TPD52L1: variants seen among roughly 807,000 people sequenced by gnomAD.
TPD52L1 encodes the protein TPD52 like 1, also known as tumor protein D53.
Under a neutral mutation model 28.7 loss-of-function variants are expected in TPD52L1, and 18 were observed. The ratio of observed to expected loss-of-function variants is 0.63; its 90% CI spans 0.43 to 0.93. The LOEUF (loss-of-function observed/expected upper bound fraction) is 0.93. Among genes scored for constraint, TPD52L1 ranks in the 40% least tolerant of loss-of-function variants. TPD52L1 has a pLI of 0.00. For synonymous variants in TPD52L1, 75 were observed against 88.8 expected (o/e 0.84, Z 0.88); for missense variants, 203 against 254.8 (o/e 0.80, Z 1.39).
At chr6:125,240,464 T>C (rs1008607644) in intron 3 of TPD52L1, among the ~76,000 whole-genome samples, 1 of 151,836 alleles carries the variant, frequency 6.6e-6, no homozygotes, top group African/African-American at 2.4e-5. Context: ...TGAGCATGAG[T>C]TTTCATTTGT....
At chr6:125,208,819 G>A in intron 1 of TPD52L1, 1 of 692,858 alleles carries the variant, frequency 1.4e-6, no homozygotes, top group Non-Finnish European at 1.8e-6. Flanking sequence ...GGTGCTGAGA[G>A]AGTGCTGTGT....
intron 3 of TPD52L1, among the ~76,000 whole-genome samples, chr6:125,240,690 T>C (rs1341500932): frequency 6.6e-6 from 1 of 152,188 alleles, no homozygotes; most frequent in African/African-American, 2.4e-5. Flanking sequence ...CCTGAAACTT[T>C]ACTGAATTCA....
chr6:125,222,577 C>G (rs996961592), intron 2 of TPD52L1, among the ~76,000 whole-genome samples: 3 of 152,180 alleles, frequency 2.0e-5, no homozygotes, highest in Non-Finnish European at 4.4e-5. Flanking sequence ...TCCCTACTTT[C>G]CTCGTCTCTT....
intron 1 of TPD52L1, among the ~76,000 whole-genome samples, chr6:125,210,009 C>T (rs1246337180): frequency 6.6e-6 from 1 of 152,026 alleles, no homozygotes; most frequent in East Asian, 1.9e-4. Flanking sequence ...TATTATTAGT[C>T]TCTGTTTAAC....
At chr6:125,233,768 GA>G (rs1278867669) in intron 3 of TPD52L1, among the ~76,000 whole-genome samples, 1 of 152,118 alleles carries the variant, frequency 6.6e-6, no homozygotes, top group Non-Finnish European at 1.5e-5. Context: ...GTTGTATGTA[GA>G]AAAATGCTTT....
intron 1 of TPD52L1, among the ~76,000 whole-genome samples, chr6:125,208,176 C>T (rs1399518273): frequency 2.0e-5 from 3 of 152,176 alleles, no homozygotes; most frequent in African/African-American, 7.2e-5. Context: ...GATTATTATA[C>T]TGCTTGGTTG....
At chr6:125,172,535 T>C (rs577385061) in intron 1 of TPD52L1, among the ~76,000 whole-genome samples, 3 of 98,150 alleles carry the variant, frequency 3.1e-5, no homozygotes, top group African/African-American at 4.5e-5. Flanking sequence ...TATATATATA[T>C]ATATATATAT....
At chr6:125,158,664 T>G (rs980132500) in intron 1 of TPD52L1, among the ~76,000 whole-genome samples, 3 of 152,128 alleles carry the variant, frequency 2.0e-5, no homozygotes, top group African/African-American at 7.2e-5. Context: ...GAAGATAAAT[T>G]CTTACTTTAT....
chr6:125,203,924 ATT>A, intron 1 of TPD52L1: 2 of 439,064 alleles, frequency 4.6e-6, no homozygotes, highest in Non-Finnish European at 6.0e-6. Flanking sequence ...TTACTGATAT[ATT>A]CTAAACAACA....
At position 125,166,469 on chromosome 6, in the gene TPD52L1, C is replaced by A. The variant is rs528658720; in HGVS notation, c.19+12499C>A. On this transcript the variant is annotated intron_variant, in intron 1 of 6. Transcript: ENST00000534000. ...GGTTCCAACAGGAAGTTACAAGATA[C>A]CTGCACTACCTGTAAAGTTTATTTA... 1.9e-3 allele frequency among the ~76,000 whole-genome samples: 283 copies of A among 152,200 alleles called. 1 individual carries two copies. Among genetic ancestry groups the A allele is most frequent in the African/African-American group, 6.4e-3 (267 of 41,520 alleles).
intron 1 of TPD52L1, among the ~76,000 whole-genome samples, chr6:125,176,210 T>C (rs1791813651): frequency 6.6e-6 from 1 of 152,380 alleles, no homozygotes; most frequent in South Asian, 2.1e-4. Context: ...TCTTTTATAA[T>C]GCACATGTGG....
At chr6:125,184,499 C>G (rs1176934207) in intron 1 of TPD52L1, among the ~76,000 whole-genome samples, 2 of 152,198 alleles carry the variant, frequency 1.3e-5, no homozygotes, top group Admixed American at 6.5e-5. Context: ...TCCAAAGAGG[C>G]CAGCTTCCAG....
chr6:125,176,995 G>T (rs1172019255), intron 1 of TPD52L1, among the ~76,000 whole-genome samples: 1 of 152,156 alleles, frequency 6.6e-6, no homozygotes, highest in African/African-American at 2.4e-5. Context: ...CTGTGATTGT[G>T]CTGCTGCACT....
intron 1 of TPD52L1, among the ~76,000 whole-genome samples, chr6:125,164,609 C>T (rs1790755524): frequency 6.6e-6 from 1 of 151,938 alleles, no homozygotes; most frequent in Non-Finnish European, 1.5e-5. Flanking sequence ...TCAATGAGTA[C>T]CCCAAAAAAG....
intron 1 of TPD52L1, among the ~76,000 whole-genome samples, chr6:125,195,437 C>T (rs892478479): frequency 3.9e-5 from 6 of 152,084 alleles, no homozygotes; most frequent in Non-Finnish European, 7.4e-5. Context: ...CATTGTGGAC[C>T]GCTAAGTCCT....
intron 1 of TPD52L1, chr6:125,219,747 C>T: frequency 2.8e-6 from 1 of 359,730 alleles, no homozygotes; most frequent in Non-Finnish European, 5.4e-6. Flanking sequence ...GGGCCTTGGG[C>T]TTTGTCCTCT....
intron 1 of TPD52L1, among the ~76,000 whole-genome samples, chr6:125,171,029 TG>T (rs1435585985): frequency 6.6e-6 from 1 of 152,152 alleles, no homozygotes; most frequent in Non-Finnish European, 1.5e-5. Context: ...TGGCTGATTT[TG>T]GGGGTGGCAA....
chr6:125,204,665 G>C (rs924204173), intron 1 of TPD52L1, among the ~76,000 whole-genome samples: 10 of 152,038 alleles, frequency 6.6e-5, no homozygotes, highest in Middle Eastern at 3.2e-3. Flanking sequence ...ATTTTTAATA[G>C]AGACGGGGTT....
intron 1 of TPD52L1, among the ~76,000 whole-genome samples, chr6:125,196,364 G>A (rs564184687): frequency 1.6e-4 from 24 of 152,290 alleles, no homozygotes; most frequent in Middle Eastern, 6.8e-3. Context: ...CAGTTCCAAA[G>A]TTTTAATTAC....
Sources: allele counts gnomAD v4.1 joint callset (sites outside exome capture counted in the v4.1 genomes callset), GRCh38; gene constraint gnomAD v4.1.1; transcripts MANE v1.5; gene names NCBI Gene and HGNC (gene_info 2026-07-23, HGNC 2026-07-21).